AGAP1: variants seen among roughly 807,000 people sequenced by gnomAD.
AGAP1 encodes the protein arf-GAP with GTPase, ANK repeat and PH domain-containing protein 1.
AGAP1 carries 29 observed loss-of-function variants against 105.3 expected under a neutral mutation model. The ratio of observed to expected loss-of-function variants is 0.28; its 90% CI spans 0.21 to 0.38. AGAP1 has a LOEUF of 0.38. AGAP1 is among the 10% of genes least tolerant of loss of function. The pLI is 1.00. For synonymous variants in AGAP1, 509 were observed against 485.9 expected, an observed-to-expected ratio of 1.05 and a Z score of -0.63; for missense variants, 998 against 1,165.1, an observed-to-expected ratio of 0.86 and a Z score of 2.09.
At chr2:235,521,608 C>T (rs1942616261) in intron 1 of AGAP1, among the ~76,000 whole-genome samples, 3 of 152,104 alleles carry the variant, frequency 2.0e-5, no homozygotes, top group African/African-American at 7.2e-5. Flanking sequence ...AACTTAGGAA[C>T]ATGTTCTGGA....
At chr2:236,026,132 T>C (rs1205208464) in intron 13 of AGAP1, among the ~76,000 whole-genome samples, 1 of 152,228 alleles carries the variant, frequency 6.6e-6, no homozygotes, top group Non-Finnish European at 1.5e-5. Context: ...CACCTGCACC[T>C]GTGGGCCATG....
Position 235,807,149 on chromosome 2 carries a change from T to A in AGAP1, c.958-90T>A, listed in dbSNP as rs1957878492. The A allele has an allele frequency of 6.1e-6, 8 of 1,304,662 alleles. No individual in the cohort carries two copies. In the Admixed American group the frequency reaches 1.3e-4, roughly 21 times the overall value. 80.8% of individuals were successfully genotyped at this position (1,304,662 alleles called of 1,614,324 possible). A position where few individuals can be genotyped will look rare whatever the true frequency, so the allele number is the denominator to read the frequency against. ...ATAGATCGCGCATGTTTTCTAAATGTGTATTGGCAGGAATTCTGCAAACAG... is the reference window on the plus strand; with the variant it reads ...ATAGATCGCGCATGTTTTCTAAATGAGTATTGGCAGGAATTCTGCAAACAG... On this transcript the variant is annotated intron_variant, in intron 8 of 17. Coordinates refer to ENST00000304032, the MANE Select transcript of AGAP1 (RefSeq NM_001037131.3).
intron 10 of AGAP1, among the ~76,000 whole-genome samples, chr2:235,890,714 A>T (rs2050496991): frequency 6.6e-6 from 1 of 152,178 alleles, no homozygotes. Flanking sequence ...AGACATTGGG[A>T]AACTGGCTGG....
intron 15 of AGAP1, among the ~76,000 whole-genome samples, 176 bp from the exon 16 acceptor site, chr2:236,048,883 G>A (rs2057809447): frequency 6.6e-6 from 1 of 152,260 alleles, no homozygotes; most frequent in African/African-American, 2.4e-5. Flanking sequence ...CCAACGGCCA[G>A]TCATTTGGGA....
intron 16 of AGAP1, among the ~76,000 whole-genome samples, chr2:236,112,415 CGAAA>C (rs1223741227): frequency 6.2e-5 from 9 of 146,318 alleles, no homozygotes; most frequent in African/African-American, 1.8e-4. Context: ...CATTCCATCT[CGAAA>C]AAAAAAAAGG....
At chr2:236,122,341 A>G (rs1163970876) in intron 17 of AGAP1, among the ~76,000 whole-genome samples, 1 of 152,138 alleles carries the variant, frequency 6.6e-6, no homozygotes, top group African/African-American at 2.4e-5. Flanking sequence ...ATACAGTCAC[A>G]TTCTAAAGTA....
intron 6 of AGAP1, among the ~76,000 whole-genome samples, chr2:235,762,295 A>G (rs1954511546): frequency 6.6e-6 from 1 of 152,106 alleles, no homozygotes; most frequent in Non-Finnish European, 1.5e-5. Context: ...TAACCTCAGA[A>G]AGGGTGGCTT....
chr2:236,097,950 A>G (rs776116424), intron 16 of AGAP1, among the ~76,000 whole-genome samples: 5 of 152,134 alleles, frequency 3.3e-5, no homozygotes. Context: ...TCACTAGCAG[A>G]GTGTCCTCAA....
At position 235,999,381 on chromosome 2, in the gene AGAP1, ATGGTGGTGATGATGGTGAGAGGTGGTGG is replaced by A. The variant is rs537642361; in HGVS notation, c.1645+30788_1645+30815del. ...ATGGTAGCATGATGACCAATATGGT[ATGGTGGTGATGATGGTGAGAGGTGGTGG>A]TGGTGGTGATGATGGTGAGAGGTGG... is the stretch of plus-strand genomic sequence containing the variant. On this transcript the variant is annotated intron_variant, in intron 13 of 17. Transcript: ENST00000304032. 5.7e-3 allele frequency among the ~76,000 whole-genome samples: 778 copies of A among 137,002 alleles called. 2 individuals are homozygous for A. The highest frequency in any genetic ancestry group is 0.011 in the South Asian group (45 of 4,042). 89.9% of individuals were successfully genotyped at this position (137,002 alleles called of 152,430 possible).
chr2:235,540,547 A>C (rs1373475744), intron 1 of AGAP1, among the ~76,000 whole-genome samples: 1 of 152,188 alleles, frequency 6.6e-6, no homozygotes, highest in Non-Finnish European at 1.5e-5. Flanking sequence ...ATGCAAAATA[A>C]ATGATGATTT....
chr2:235,987,338 G>A (rs749686591), intron 13 of AGAP1, among the ~76,000 whole-genome samples: 42 of 152,068 alleles, frequency 2.8e-4, no homozygotes, highest in Middle Eastern at 3.4e-3. Context: ...TGTGGGGTCA[G>A]TGGTGATATC....
chr2:236,046,810 C>T lies in AGAP1; in HGVS notation c.1892-2249C>T, dbSNP rs936870102. On this transcript the variant is annotated intron_variant, in intron 15 of 17. Transcript: ENST00000304032. This position sits in a 1 kb window ranked among gnomAD's most constrained non-coding sequence, Gnocchi z 5.2. ...CAACCAGGAAAGTGGGGAAAAAATC[C>T]AGAGAGGTCGTTGACCAAAAAGGTA... is the stretch of plus-strand genomic sequence containing the variant. 2.6e-5 allele frequency among the ~76,000 whole-genome samples: 4 copies of T among 152,076 alleles called. No homozygotes were observed. Among genetic ancestry groups the T allele is most frequent in the African/African-American group, 9.7e-5 (4 of 41,404 alleles).
chr2:235,833,191 T>A (rs553760693), intron 9 of AGAP1, among the ~76,000 whole-genome samples: 2 of 152,212 alleles, frequency 1.3e-5, no homozygotes, highest in South Asian at 4.1e-4. Context: ...ATTGGAGCAG[T>A]GCTGTGGAAG....
intron 1 of AGAP1, among the ~76,000 whole-genome samples, chr2:235,527,709 G>A (rs1472695681): frequency 6.6e-6 from 1 of 152,096 alleles, no homozygotes; most frequent in Non-Finnish European, 1.5e-5. Flanking sequence ...TCTATAATTT[G>A]TGTTCGTTGT....
At chr2:235,859,727 G>A (rs1014479035) in intron 9 of AGAP1, among the ~76,000 whole-genome samples, 4 of 152,178 alleles carry the variant, frequency 2.6e-5, no homozygotes, top group South Asian at 2.1e-4. Context: ...GGAAAAAATC[G>A]AGCTTTGCTG....
chr2:235,507,842 G>A (rs891590959), intron 1 of AGAP1, among the ~76,000 whole-genome samples: 5 of 152,146 alleles, frequency 3.3e-5, no homozygotes, highest in Non-Finnish European at 5.9e-5. Context: ...GGGTACACAT[G>A]CAGGTGTGTT....
In AGAP1 at chr2:236,001,488, G is replaced by C. The variant is rs887447943; in HGVS notation, c.1645+32865G>C. Among the ~76,000 whole-genome samples, 13 of 152,174 alleles carry C rather than the reference G, an allele frequency of 8.5e-5. No individual in the cohort carries two copies. On this transcript the variant is annotated intron_variant, in intron 13 of 17. Transcript: ENST00000304032. The surrounding 1 kb of genome is among the most constrained non-coding windows in gnomAD (Gnocchi z 4.7). ...CGGCTGGGCAGAGTGGGCTGCAGGG[G>C]CTGAAGTAGGCAGTGGTGACAGTGG...
chr2:235,970,999 C>A lies in AGAP1; in HGVS notation c.1645+2376C>A, dbSNP rs2054619786. The stretch of plus-strand genomic sequence containing the variant: ...AAAGATTTCAGGCACCATGGAAACT[C>A]CAATATTAGGAAATCACAGGTGTCT... On this transcript the variant is annotated intron_variant, in intron 13 of 17. Coordinates refer to ENST00000304032, the MANE Select transcript of AGAP1 (RefSeq NM_001037131.3). This position sits in a 1 kb window ranked among gnomAD's most constrained non-coding sequence, Gnocchi z 5.4. 6.6e-6 allele frequency among the ~76,000 whole-genome samples: 1 copy of A among 152,126 alleles called. No individual in the cohort carries two copies. The highest frequency in any genetic ancestry group is 1.5e-5 in the Non-Finnish European group (1 of 68,044).
At chr2:235,583,624 C>G (rs908998147) in intron 1 of AGAP1, among the ~76,000 whole-genome samples, 4 of 145,554 alleles carry the variant, frequency 2.7e-5, no homozygotes, top group Non-Finnish European at 6.0e-5. Flanking sequence ...TGCCTGTAAT[C>G]CCAGCACTTT....
Sources: gnomAD v4.1 joint callset for allele counts (sites outside exome capture counted in the v4.1 genomes callset) on GRCh38, gnomAD v4.1.1 for gene constraint, Gnocchi (gnomAD v3.1) non-coding constraint, MANE v1.5 for transcripts, NCBI Gene and HGNC (gene_info 2026-07-23, HGNC 2026-07-21) for gene names.